The following C12orf42 variants were observed in gnomAD, a reference collection of about 807,000 sequenced individuals.
The protein encoded by C12orf42 is chromosome 12 open reading frame 42.
C12orf42 carries 25 observed loss-of-function variants against 21.6 expected under a neutral mutation model. The ratio of observed to expected loss-of-function variants is 1.16; its 90% CI spans 0.84 to 1.62. The LOEUF is 1.62. Ranked by LOEUF, C12orf42 falls within the 40% of genes most tolerant of loss-of-function variation. The pLI is 0.00. For synonymous variants in C12orf42, 174 were observed against 175.0 expected (o/e 0.99, Z 0.05); for missense variants, 483 against 459.3 (o/e 1.05, Z -0.47).
At chr12:103,389,116 G>C (rs2046863469) in intron 3 of C12orf42, among the ~76,000 whole-genome samples, 2 of 152,202 alleles carry the variant, frequency 1.3e-5, no homozygotes, top group African/African-American at 4.8e-5. Flanking sequence ...TACCAGAGCA[G>C]GAAATAGGGG....
the C12orf42 span, among the ~76,000 whole-genome samples, chr12:103,544,650 G>A: frequency 6.6e-6 from 1 of 152,098 alleles, no homozygotes; most frequent in Admixed American, 6.5e-5. Context: ...AACCATCTCA[G>A]TCTATCTTAT....
chr12:103,224,345 G>A, the C12orf42 span, among the ~76,000 whole-genome samples: 284 of 152,182 alleles, frequency 1.9e-3, no homozygotes, highest in African/African-American at 6.4e-3. Context: ...AAGGAAATGA[G>A]AGGTTCTAAG....
At chr12:103,490,401 C>A (rs1955116942) in intron 1 of C12orf42, among the ~76,000 whole-genome samples, 1 of 151,938 alleles carries the variant, frequency 6.6e-6, no homozygotes, top group Non-Finnish European at 1.5e-5. Flanking sequence ...TACAAAATCC[C>A]CCATTTTATT....
chr12:103,212,709 A>G, the C12orf42 span, among the ~76,000 whole-genome samples: 50 of 152,252 alleles, frequency 3.3e-4, no homozygotes, highest in African/African-American at 1.2e-3. Context: ...CTATTATTTT[A>G]TCGTTATTAG....
intron 2 of C12orf42, among the ~76,000 whole-genome samples, chr12:103,433,886 T>G (rs1331285984): frequency 6.6e-6 from 1 of 152,158 alleles, no homozygotes; most frequent in Admixed American, 6.5e-5. Context: ...GAAACAGAGA[T>G]GTAAATTTAG....
At chr12:103,506,821 T>C in the C12orf42 span, among the ~76,000 whole-genome samples, 1 of 79,510 alleles carries the variant, frequency 1.3e-5, no homozygotes, top group Non-Finnish European at 2.0e-5. Flanking sequence ...CATGTTTATA[T>C]ATATATTTAT....
rs777792769 is a variant in C12orf42 at position 103,302,500 on chromosome 12, C to T, written c.691G>A (p.Ala231Thr). The change falls in exon 6 of 6, where the codon GCT (alanine) becomes ACT (threonine). Residue 231 changes from alanine (A) to threonine (T), a missense_variant. Transcript: ENST00000548883. ...GLCRRSQTPG[A>T]LQSTGPSNTE... ...TTACTCGGGCCGGTGCTCTGCAGAG[C>T]GCCGGGCGTCTGGCTCCTCCTGCAG... The T allele has an allele frequency of 1.2e-6, 2 of 1,613,316 alleles. No individual in the cohort carries two copies. Among genetic ancestry groups the T allele is most frequent in the South Asian group, 1.1e-5 (1 of 91,060 alleles).
chr12:103,341,106 C>T (rs2042122266), intron 4 of C12orf42, among the ~76,000 whole-genome samples: 2 of 96,706 alleles, frequency 2.1e-5, no homozygotes, highest in Admixed American at 1.3e-4. Context: ...GAGCAAGACT[C>T]TGTCTCAAAA....
intron 3 of C12orf42, among the ~76,000 whole-genome samples, chr12:103,374,562 G>T (rs376794574): frequency 2.2e-4 from 33 of 152,068 alleles, no homozygotes; most frequent in African/African-American, 7.5e-4. Context: ...TGAGATGAGG[G>T]TTCAAAATGT....
At chr12:103,320,093 C>T (rs985626291) in intron 4 of C12orf42, among the ~76,000 whole-genome samples, 3 of 152,284 alleles carry the variant, frequency 2.0e-5, no homozygotes, top group Middle Eastern at 3.4e-3. Context: ...GAACCTACTG[C>T]TGTCCACATA....
intron 2 of C12orf42, among the ~76,000 whole-genome samples, chr12:103,417,710 T>C (rs1174180659): frequency 6.6e-6 from 1 of 152,200 alleles, no homozygotes; most frequent in Non-Finnish European, 1.5e-5. Flanking sequence ...ACCTGGAAAG[T>C]TATACTGGGT....
At chr12:103,284,106 T>C (rs1363782404) in intron 4 of C12orf42, among the ~76,000 whole-genome samples, 1 of 152,152 alleles carries the variant, frequency 6.6e-6, no homozygotes, top group Non-Finnish European at 1.5e-5. Context: ...CACCTGAGTG[T>C]GACACCTGAG....
chr12:103,220,558 G>A, the C12orf42 span, among the ~76,000 whole-genome samples: 172 of 152,160 alleles, frequency 1.1e-3, no homozygotes, highest in East Asian at 0.016. Context: ...AATAGCGTTC[G>A]TGAGAAAATC....
intron 3 of C12orf42, among the ~76,000 whole-genome samples, chr12:103,394,254 C>T (rs2047322448): frequency 6.6e-6 from 1 of 152,174 alleles, no homozygotes; most frequent in African/African-American, 2.4e-5. Flanking sequence ...GATGAAGACA[C>T]TCTATTTCTC....
the C12orf42 span, among the ~76,000 whole-genome samples, chr12:103,114,466 A>C: frequency 1.1e-4 from 16 of 151,940 alleles, no homozygotes; most frequent in African/African-American, 3.9e-4. Flanking sequence ...CTCAGGCTCC[A>C]CTCCAGACCT....
intron 4 of C12orf42, among the ~76,000 whole-genome samples, chr12:103,308,151 T>C (rs1232893795): frequency 6.6e-6 from 1 of 152,138 alleles, no homozygotes; most frequent in East Asian, 1.9e-4. Context: ...TAACTATTAA[T>C]AGTAGATTAG....
At chr12:103,052,807 C>T in the C12orf42 span, among the ~76,000 whole-genome samples, 1 of 151,958 alleles carries the variant, frequency 6.6e-6, no homozygotes, top group Non-Finnish European at 1.5e-5. Context: ...GATCTATGAA[C>T]TATTTGGAAT....
At chr12:103,459,131 A>G (rs1243296227) in intron 2 of C12orf42, among the ~76,000 whole-genome samples, 2 of 152,164 alleles carry the variant, frequency 1.3e-5, no homozygotes, top group Admixed American at 6.5e-5. Context: ...AAAGTTGGCC[A>G]TAAGAGGGAT....
chr12:103,553,498 T>C, the C12orf42 span, among the ~76,000 whole-genome samples: 4 of 152,102 alleles, frequency 2.6e-5, no homozygotes, highest in Non-Finnish European at 5.9e-5. Context: ...TCCTGAAAGG[T>C]TCAAAGAGAC....
Sources: allele counts gnomAD v4.1 joint callset (sites outside exome capture counted in the v4.1 genomes callset), GRCh38; gene constraint gnomAD v4.1.1; transcripts MANE v1.5; gene names NCBI Gene and HGNC (gene_info 2026-07-23, HGNC 2026-07-21).